The following TBC1D10B variants were observed in gnomAD, a reference collection of about 807,000 sequenced individuals.
The protein encoded by TBC1D10B is TBC1 domain family member 10B.
In TBC1D10B, 25 loss-of-function variants were observed where a neutral mutation model predicts 78.4. The ratio of observed to expected loss-of-function variants is 0.32; its 90% confidence interval spans 0.23 to 0.45. The LOEUF (loss-of-function observed/expected upper bound fraction) is 0.45. TBC1D10B is among the 20% of genes least tolerant of loss of function. TBC1D10B has a pLI of 1.00. For missense variants in TBC1D10B, 996 were observed against 1,104.8 expected, an observed-to-expected ratio of 0.90 and a Z score of 1.40; for synonymous variants, 517 against 478.0, an observed-to-expected ratio of 1.08 and a Z score of -1.06.
Position 30,357,641 on chromosome 16 carries a change from C to A in TBC1D10B, c.*303G>T. The A allele has an allele frequency of 4.4e-6, 2 of 452,944 alleles. No individual in the cohort carries two copies. The highest frequency in any genetic ancestry group is 3.6e-5 in the Admixed American group (1 of 27,548). 28.1% of individuals were successfully genotyped at this position (452,944 alleles called of 1,614,324 possible). A position where few individuals can be genotyped will look rare whatever the true frequency, so the allele number is the denominator to read the frequency against. On this transcript the variant is annotated 3_prime_UTR_variant, in exon 9 of 9. Transcript: ENST00000409939. The stretch of plus-strand genomic sequence containing the variant: ...ACTGCTGACTCCCATCACCAGGAGT[C>A]ACCCCTGGGATGACAACGGGCCATT...
At position 30,358,463 on chromosome 16, in the gene TBC1D10B, C is replaced by T. The variant is rs2049574612; in HGVS notation, c.1908G>A (p.Leu636=). 6.3e-7 allele frequency: 1 copy of T among 1,593,238 alleles called. No homozygotes were observed. The highest frequency in any genetic ancestry group is 8.5e-7 in the Non-Finnish European group (1 of 1,170,358). Residue 636 remains leucine, a synonymous_variant, in exon 9 of 9, where the codon CTG becomes CTA. Coordinates refer to ENST00000409939, the MANE Select transcript of TBC1D10B (RefSeq NM_015527.4). ...GELQYRPSRR[L]HGSRAIHEER... Reference sequence around the variant, plus strand: ...CCTCGTGGATGGCCCGGGACCCATGCAGTCGCCGTGAGGGCCGATACTGCA... The same window carrying T: ...CCTCGTGGATGGCCCGGGACCCATGTAGTCGCCGTGAGGGCCGATACTGCA...
Position 30,370,164 on chromosome 16 carries a change from G to A in TBC1D10B, c.20C>T (p.Pro7Leu), listed in dbSNP as rs1375694385. The change falls in exon 1 of 9, where the codon CCC becomes CTC. Residue 7 changes from proline to leucine, a missense_variant. Coordinates refer to ENST00000409939, the MANE Select transcript of TBC1D10B (RefSeq NM_015527.4). METGTA[P>L]LVAPPRRHGA... Reference sequence around the variant, plus strand: ...ATGACGGCGCGGCGGGGCCACCAGGGGCGCCGTGCCCGTCTCCATGGCCGC... The same window carrying A: ...ATGACGGCGCGGCGGGGCCACCAGGAGCGCCGTGCCCGTCTCCATGGCCGC... The A allele has an allele frequency of 1.0e-5, 12 of 1,182,694 alleles. No homozygotes were observed. The highest frequency in any genetic ancestry group is 4.6e-5 in the Admixed American group (1 of 21,914). The allele number at this position is 1,182,694 out of a possible 1,614,324, so 73.3% of individuals were successfully genotyped here.
chr16:30,357,681 G>C lies in TBC1D10B; in HGVS notation c.*263C>G, dbSNP rs1277530631. ...AACGGGCCATTCAGGACAGCACCTAGGAGGGGACCCAGAGGGAACTGGGGC... is the reference window on the plus strand; with the variant it reads ...AACGGGCCATTCAGGACAGCACCTACGAGGGGACCCAGAGGGAACTGGGGC... On this transcript the variant is annotated 3_prime_UTR_variant, in exon 9 of 9. Coordinates refer to ENST00000409939, the MANE Select transcript of TBC1D10B (RefSeq NM_015527.4). 5.1e-6 allele frequency: 3 copies of C among 584,348 alleles called. No individual in the cohort carries two copies. Among genetic ancestry groups the C allele is most frequent in the Admixed American group, 6.0e-5 (2 of 33,116 alleles). The allele number at this position is 584,348 out of a possible 1,614,324, so 36.2% of individuals were successfully genotyped here. A position where few individuals can be genotyped will look rare whatever the true frequency, so the allele number is the denominator to read the frequency against.
At chr16:30,367,066 CAT>C (rs1342336313) in intron 1 of TBC1D10B, 1 of 152,238 alleles carries the variant, frequency 6.6e-6, no homozygotes, top group African/African-American at 2.4e-5. Flanking sequence ...TGTGGTGGCA[CAT>C]GTCTTCAATC....
At chr16:30,363,021 A>G (rs1412482760) in intron 4 of TBC1D10B, among the ~76,000 whole-genome samples, 1 of 152,240 alleles carries the variant, frequency 6.6e-6, no homozygotes, top group Non-Finnish European at 1.5e-5. Flanking sequence ...TGGGCGACAG[A>G]GCGAGACTCC....
intron 4 of TBC1D10B, among the ~76,000 whole-genome samples, chr16:30,360,958 T>C (rs2049594533): frequency 6.6e-6 from 1 of 151,722 alleles, no homozygotes; most frequent in East Asian, 1.9e-4. Context: ...CCCACAAGCA[T>C]ACCCACATGC....
Position 30,364,961 on chromosome 16 carries a change from C to T in TBC1D10B, c.1210G>A (p.Glu404Lys). 6.2e-7 allele frequency: 1 copy of T among 1,613,232 alleles called. No homozygotes were observed. The highest frequency in any genetic ancestry group is 8.5e-7 in the Non-Finnish European group (1 of 1,179,584). ...PGDPKWLDVI[E>K]KDLHRQFPFH... Reference sequence around the variant, plus strand: ...GGGAACTGGCGGTGCAGGTCCTTCTCAATCACATCCAGCCACTTGGGGTCC... The same window carrying T: ...GGGAACTGGCGGTGCAGGTCCTTCTTAATCACATCCAGCCACTTGGGGTCC... The change falls in exon 4 of 9, where the codon GAG (glutamate) becomes AAG (lysine). Residue 404 changes from glutamate to lysine, a missense_variant. Physicochemically the swap from Glu to Lys is moderately conservative, Grantham distance 56. Around this residue, in one of 5 missense-constraint regions of TBC1D10B, gnomAD observed 93 missense variants for 152.7 expected, o/e 0.61. Transcript: ENST00000409939.
Position 30,358,085 on chromosome 16 carries a change from C to A in TBC1D10B, c.2286G>T (p.Lys762Asn). 1 of 1,550,314 alleles carries A rather than the reference C, an allele frequency of 6.5e-7. No individual in the cohort carries two copies. Among genetic ancestry groups the A allele is most frequent in the South Asian group, 1.2e-5 (1 of 83,878 alleles). ...CCTGCTTCTGCCGCTCCTTCTCCTG[C>A]TTCTCTCGCTCCTTTTCCTGCTTCT... is the stretch of plus-strand genomic sequence containing the variant. ...EREKQEKERE[K>N]QEKERQKQEK... Residue 762 changes from lysine to asparagine, a missense_variant, in exon 9 of 9, where the codon AAG (lysine) becomes AAT (asparagine). Physicochemically the swap from Lys to Asn is moderately conservative, Grantham distance 94 (BLOSUM62 0). Around this residue, in one of 5 missense-constraint regions of TBC1D10B, gnomAD observed 285 missense variants for 252.5 expected, o/e 1.13. Transcript: ENST00000409939.
chr16:30,358,375 T>G lies in TBC1D10B; in HGVS notation c.1996A>C (p.Lys666Gln), dbSNP rs2049573396. Residue 666 changes from lysine (K) to glutamine (Q), a missense_variant, in exon 9 of 9, where the codon AAG (lysine) becomes CAG (glutamine). This residue lies in a region of TBC1D10B where 285 missense variants were observed against 252.5 expected (regional missense o/e 1.13). Coordinates refer to ENST00000409939, the MANE Select transcript of TBC1D10B (RefSeq NM_015527.4). ...SSSLLSLPGL[K>Q]SRGSRAAGGA... is the part of the protein sequence containing the mutation. ...CCAGCTGCCCGGGAGCCTCGGCTCT[T>G]GAGGCCAGGGAGGCTGAGGAGGCTG... is the stretch of plus-strand genomic sequence containing the variant. The G allele has an allele frequency of 6.4e-7, 1 of 1,563,232 alleles. No individual in the cohort carries two copies. The highest frequency in any genetic ancestry group is 8.7e-7 in the Non-Finnish European group (1 of 1,154,284).
chr16:30,358,889 CT>C, intron 7 of TBC1D10B, 72 bp from the exon 8 acceptor site: 2 of 1,492,344 alleles, frequency 1.3e-6, no homozygotes, highest in Non-Finnish European at 1.8e-6. Flanking sequence ...TCAGGATAGA[CT>C]CACAGCCCCC....
rs2049631814 is a variant in TBC1D10B, at chr16:30,365,889, C to A, written c.957-295G>T. 4 of 360,070 alleles carry A rather than the reference C, an allele frequency of 1.1e-5. No individual in the cohort carries two copies. In the South Asian group the frequency reaches 1.3e-4, roughly 12 times the overall value. The allele number at this position is 360,070 out of a possible 1,614,324, so 22.3% of individuals were successfully genotyped here. On this transcript the variant is annotated intron_variant, in intron 1 of 8. Transcript: ENST00000409939. This position sits in a 1 kb window ranked among gnomAD's most constrained non-coding sequence, Gnocchi z 5.0. ...ACATTTTGCATTAGATCTGGATCCA[C>A]GTCCTAGCTTTACCATTTATTCATT...
Position 30,364,993 on chromosome 16 carries a change from G to A in TBC1D10B, c.1178C>T (p.Ala393Val). Residue 393 changes from alanine (A) to valine (V), a missense_variant, in exon 4 of 9, where the codon GCT becomes GTT. Physicochemically the swap from Ala to Val is moderately conservative, Grantham distance 64 (BLOSUM62 0). Transcript: ENST00000409939. ...ATCCAGCCACTTGGGGTCCCCAGGA[G>A]CCCGTTCCAGCTCCTGCAGTGGGAC... ...NPGKFEELER[A>V]PGDPKWLDVI... 6.2e-7 allele frequency: 1 copy of A among 1,613,240 alleles called. No individual in the cohort carries two copies. Among genetic ancestry groups the A allele is most frequent in the Non-Finnish European group, 8.5e-7 (1 of 1,179,568 alleles).
At chr16:30,366,384 A>T (rs1216976954) in intron 1 of TBC1D10B, 1 of 152,158 alleles carries the variant, frequency 6.6e-6, no homozygotes, top group Non-Finnish European at 1.5e-5. Flanking sequence ...ACGTGCTTGA[A>T]ATCCCAGCTA....
intron 7 of TBC1D10B, 23 bp from the exon 8 acceptor site, chr16:30,358,840 G>A: frequency 6.3e-7 from 1 of 1,587,990 alleles, no homozygotes; most frequent in Non-Finnish European, 8.6e-7. Flanking sequence ...AGAGTAGAGA[G>A]CATGGGGTGG....
chr16:30,365,449 C>T lies in TBC1D10B; in HGVS notation c.1056+46G>A. The T allele has an allele frequency of 6.2e-7, 1 of 1,600,190 alleles. No homozygotes were observed. The highest frequency in any genetic ancestry group is 8.6e-7 in the Non-Finnish European group (1 of 1,167,420). Reference sequence around the variant, plus strand: ...TGGGCTTCCCTGGAGCACATGCTACCCCTCCCAACTTGTGCATTGCCCTGC... The same window carrying T: ...TGGGCTTCCCTGGAGCACATGCTACTCCTCCCAACTTGTGCATTGCCCTGC... On this transcript the variant is annotated intron_variant, in intron 2 of 8. Transcript: ENST00000409939. This position sits in a 1 kb window ranked among gnomAD's most constrained non-coding sequence, Gnocchi z 5.0.
chr16:30,369,704 C>G lies in TBC1D10B; in HGVS notation c.480G>C (p.Thr160=). 1 of 1,509,210 alleles carries G rather than the reference C, an allele frequency of 6.6e-7. No individual in the cohort carries two copies. Among genetic ancestry groups the G allele is most frequent in the Non-Finnish European group, 8.9e-7 (1 of 1,126,986 alleles). 93.5% of individuals were successfully genotyped at this position (1,509,210 alleles called of 1,614,324 possible). ...TGTPTRTPSR[T]APGALTAKPP... ...GTTTGGCGGTCAGGGCACCAGGAGC[C>G]GTTCTGGAAGGGGTCCTGGTAGGGG... The change falls in exon 1 of 9, where the codon ACG becomes ACC. Residue 160 remains threonine, a synonymous_variant. Coordinates refer to ENST00000409939, the MANE Select transcript of TBC1D10B (RefSeq NM_015527.4). The surrounding 1 kb of genome is among the most constrained non-coding windows in gnomAD (Gnocchi z 4.3).
Position 30,370,207 on chromosome 16 carries a change from C to T in TBC1D10B, c.-24G>A. 8.9e-7 allele frequency: 1 copy of T among 1,124,430 alleles called. No individual in the cohort carries two copies. Among genetic ancestry groups the T allele is most frequent in the Non-Finnish European group, 1.1e-6 (1 of 913,406 alleles). The allele number at this position is 1,124,430 out of a possible 1,614,324, so 69.7% of individuals were successfully genotyped here. ...ATGGCCGCGGGCCGCCCCTCACATC[C>T]CCCCGCCGGGGAGGCCGCAGAAGGC... On this transcript the variant is annotated 5_prime_UTR_variant, in exon 1 of 9. Transcript: ENST00000409939.
Position 30,359,209 on chromosome 16 carries a change from C to T in TBC1D10B, c.1605G>A (p.Ala535=), listed in dbSNP as rs756439591. The T allele has an allele frequency of 9.3e-6, 15 of 1,613,246 alleles. No homozygotes were observed. Among genetic ancestry groups the T allele is most frequent in the South Asian group, 7.7e-5 (7 of 90,910 alleles). The change falls in exon 7 of 9, where the codon GCG becomes GCA. Residue 535 remains alanine, a synonymous_variant. Transcript: ENST00000409939. ...ACATGTCCCAGACACGCAGCACCGACGCCCAGGGCAGGGTGCGGGCGAAGA... is the reference window on the plus strand; with the variant it reads ...ACATGTCCCAGACACGCAGCACCGATGCCCAGGGCAGGGTGCGGGCGAAGA... The part of the protein sequence containing the change: ...MCIFARTLPW[A]SVLRVWDMFF...
rs150663146 is a variant in TBC1D10B at position 30,358,072 on chromosome 16, G to A, written c.2299C>T (p.Arg767Trp). 6.6e-5 allele frequency: 102 copies of A among 1,551,248 alleles called. No individual in the cohort carries two copies. The highest frequency in any genetic ancestry group is 7.9e-5 in the Non-Finnish European group (91 of 1,146,462). Residue 767 changes from arginine to tryptophan, a missense_variant, in exon 9 of 9, where the codon CGG becomes TGG. This residue lies in a region of TBC1D10B where 285 missense variants were observed against 252.5 expected (regional missense o/e 1.13). Transcript: ENST00000409939. ...TGAGCCTTCTTCTCCTGCTTCTGCC[G>A]CTCCTTCTCCTGCTTCTCTCGCTCC... ...EKEREKQEKE[R>W]QKQEKKAQGR...
Sources: allele counts gnomAD v4.1 joint callset (sites outside exome capture counted in the v4.1 genomes callset), GRCh38; gene constraint gnomAD v4.1.1; regional missense constraint gnomAD v4.1.1; non-coding constraint Gnocchi (gnomAD v3.1); transcripts MANE v1.5; gene names NCBI Gene and HGNC (gene_info 2026-07-23, HGNC 2026-07-21).